The following KCNMA1 variants were observed in gnomAD, a reference collection of about 807,000 sequenced individuals.
The protein encoded by KCNMA1 is Calcium-activated potassium channel subunit alpha-1.
In KCNMA1, 29 loss-of-function variants were observed where a neutral mutation model predicts 140.0. The ratio of observed to expected loss-of-function variants is 0.21; its 90% confidence interval spans 0.15 to 0.28. The LOEUF (loss-of-function observed/expected upper bound fraction) is 0.28, where lower values mean the gene tolerates loss of function less well. Ranked by LOEUF, KCNMA1 falls within the 10% of genes least tolerant of loss-of-function variation. The pLI is 1.00. For missense variants in KCNMA1, 880 were observed against 1,602.2 expected (o/e 0.55, Z 7.70); for synonymous variants, 612 against 611.9 (o/e 1.00, Z 0.00).
chr10:77,394,289 C>T (rs2095952631), intron 2 of KCNMA1, among the ~76,000 whole-genome samples: 2 of 147,278 alleles, frequency 1.4e-5, no homozygotes, highest in Admixed American at 6.7e-5. Context: ...CACAGCAGCC[C>T]TGGGGAGGGC....
At chr10:76,891,411 A>T in intron 26 of KCNMA1, 114 bp downstream of exon 26, 1 of 782,174 alleles carries the variant, frequency 1.3e-6, no homozygotes, top group Non-Finnish European at 2.2e-6. Context: ...ACAGTTATCT[A>T]CAATAGGAAG....
intron 3 of KCNMA1, among the ~76,000 whole-genome samples, chr10:77,233,526 G>A (rs949880373): frequency 6.6e-6 from 1 of 152,248 alleles, no homozygotes; most frequent in Non-Finnish European, 1.5e-5. Flanking sequence ...TTCCACTGGA[G>A]GCTATATGAT....
intron 20 of KCNMA1, among the ~76,000 whole-genome samples, chr10:76,961,895 GCTTT>G (rs1397768793): frequency 2.0e-5 from 3 of 152,156 alleles, no homozygotes; most frequent in Non-Finnish European, 4.4e-5. Context: ...TGTGTTACTT[GCTTT>G]ATTGCGATAT....
chr10:77,075,887 G>A (rs897889702), intron 13 of KCNMA1, among the ~76,000 whole-genome samples: 5 of 152,282 alleles, frequency 3.3e-5, no homozygotes, highest in Admixed American at 1.3e-4. Context: ...AAATGCCAGT[G>A]TTAGTGCCCA....
intron 1 of KCNMA1, among the ~76,000 whole-genome samples, chr10:77,499,422 T>TATATATATAC (rs1390141467): frequency 3.8e-5 from 4 of 105,586 alleles, no homozygotes; most frequent in African/African-American, 1.3e-4. Flanking sequence ...TATATATATA[T>TATATATATAC]ACACACACAC....
intron 5 of KCNMA1, among the ~76,000 whole-genome samples, chr10:77,152,381 A>G (rs924624510): frequency 6.6e-6 from 1 of 151,930 alleles, no homozygotes; most frequent in Non-Finnish European, 1.5e-5. Context: ...ACCTGAGAAA[A>G]GGATTTGATT....
chr10:77,572,094 G>C (rs2071606106), intron 1 of KCNMA1, among the ~76,000 whole-genome samples: 2 of 152,106 alleles, frequency 1.3e-5, no homozygotes, highest in Non-Finnish European at 2.9e-5. Flanking sequence ...AGAGTGGATG[G>C]GGAAAGAATC....
At chr10:77,376,100 G>A (rs1029258319) in intron 2 of KCNMA1, among the ~76,000 whole-genome samples, 4 of 152,152 alleles carry the variant, frequency 2.6e-5, no homozygotes, top group Non-Finnish European at 2.9e-5. Context: ...GACAGGCCAC[G>A]GTCCTTGGTC....
chr10:76,970,532 G>A lies in KCNMA1; in HGVS notation c.2267-465C>T. 3 of 229,936 alleles carry A rather than the reference G, an allele frequency of 1.3e-5. No individual in the cohort carries two copies. The South Asian group carries it at 1.8e-4, about 14-fold the overall frequency. The allele number at this position is 229,936 out of a possible 1,614,324, so 14.2% of individuals were successfully genotyped here. A position where few individuals can be genotyped will look rare whatever the true frequency, so the allele number is the denominator to read the frequency against. On this transcript the variant is annotated intron_variant, in intron 19 of 27. Transcript: ENST00000286628. ...CTTCTCCAGATGAACCAACTTAGCT[G>A]GTTCCTAACCCCTGCATACCAGAGA...
chr10:77,491,131 G>A (rs1254012221), intron 1 of KCNMA1, among the ~76,000 whole-genome samples: 3 of 152,302 alleles, frequency 2.0e-5, no homozygotes, highest in African/African-American at 7.2e-5. Flanking sequence ...TGTTTGTCCT[G>A]AATCCAAAAT....
At chr10:77,585,380 T>C (rs976100649) in intron 1 of KCNMA1, among the ~76,000 whole-genome samples, 2 of 152,214 alleles carry the variant, frequency 1.3e-5, no homozygotes, top group African/African-American at 4.8e-5. Flanking sequence ...GTCGCAGTTG[T>C]ATGAATTAAT....
chr10:77,430,397 A>G (rs879849711), intron 1 of KCNMA1, among the ~76,000 whole-genome samples: 11 of 152,198 alleles, frequency 7.2e-5, no homozygotes, highest in Non-Finnish European at 1.5e-4. Context: ...TCCTGCCTTT[A>G]AATACTGAAG....
intron 1 of KCNMA1, among the ~76,000 whole-genome samples, chr10:77,622,935 G>A (rs1435734356): frequency 6.6e-6 from 1 of 152,206 alleles, no homozygotes; most frequent in Admixed American, 6.5e-5. Flanking sequence ...TTAGAGACCG[G>A]AGGTTCTTGC....
At chr10:77,261,457 G>A (rs1420278229) in intron 2 of KCNMA1, among the ~76,000 whole-genome samples, 1 of 152,126 alleles carries the variant, frequency 6.6e-6, no homozygotes, top group African/African-American at 2.4e-5. Context: ...CTGCAGGTTC[G>A]TGTTCCCCAA....
chr10:77,447,011 CTG>C (rs772008679), intron 1 of KCNMA1, among the ~76,000 whole-genome samples: 7 of 152,216 alleles, frequency 4.6e-5, no homozygotes, highest in Non-Finnish European at 8.8e-5. Context: ...TGGAGATGTG[CTG>C]CCCCCAACCT....
chr10:77,162,577 C>G (rs147588151), intron 5 of KCNMA1, among the ~76,000 whole-genome samples: 11 of 152,202 alleles, frequency 7.2e-5, no homozygotes, highest in African/African-American at 1.7e-4. Context: ...AGATAAAGAC[C>G]TGGAAGACCC....
intron 5 of KCNMA1, among the ~76,000 whole-genome samples, chr10:77,155,996 G>C (rs915371926): frequency 6.6e-5 from 10 of 152,080 alleles, no homozygotes; most frequent in East Asian, 1.9e-4. Context: ...GGGAGGCCAA[G>C]GTGGGTGGAT....
chr10:77,004,758 C>T (rs905384657), intron 18 of KCNMA1, among the ~76,000 whole-genome samples: 7 of 152,302 alleles, frequency 4.6e-5, no homozygotes, highest in Admixed American at 1.3e-4. Context: ...TCTCTGGCTT[C>T]CTAACCCTTC....
intron 1 of KCNMA1, among the ~76,000 whole-genome samples, chr10:77,418,955 C>G (rs2096805003): frequency 6.6e-6 from 1 of 152,126 alleles, no homozygotes; most frequent in African/African-American, 2.4e-5. Flanking sequence ...AGATTTTAAC[C>G]AGAGGGTAAT....
Sources: gnomAD v4.1 joint callset for allele counts (sites outside exome capture counted in the v4.1 genomes callset) on GRCh38, gnomAD v4.1.1 for gene constraint, MANE v1.5 for transcripts, NCBI Gene and HGNC (gene_info 2026-07-23, HGNC 2026-07-21) for gene names.